DKC1: variants seen among roughly 807,000 people sequenced by gnomAD.
DKC1 encodes the protein dyskerin pseudouridine synthase 1.
In DKC1, 4 loss-of-function variants were observed where a neutral mutation model predicts 46.7. That is an observed-to-expected ratio of 0.09 (90% confidence interval 0.04 to 0.20). The LOEUF (loss-of-function observed/expected upper bound fraction) is 0.20. Ranked by LOEUF, DKC1 falls within the 10% of genes least tolerant of loss-of-function variation. The probability of loss-of-function intolerance (pLI) is 1.00; values close to 1 mark genes in which losing one functional copy is unlikely to be tolerated. For missense variants in DKC1, 171 were observed against 404.2 expected (o/e 0.42, Z 4.95); for synonymous variants, 141 against 142.4 (o/e 0.99, Z 0.07).
chrX:154,768,474 C>T (rs2057821100), intron 8 of DKC1, 42 bp downstream of exon 8: 1 of 1,205,752 alleles, frequency 8.3e-7, no homozygotes, highest in South Asian at 1.8e-5. Flanking sequence ...TGGTTCTTAC[C>T]ATCTGCCAGC....
At chrX:154,763,976 T>C (rs1557263883) in intron 1 of DKC1, among the ~76,000 whole-genome samples, 1 of 110,203 alleles carries the variant, frequency 9.1e-6, no homozygotes, top group African/African-American at 3.3e-5. Context: ...CTGGCCAACA[T>C]GGTGAAACCC....
chrX:154,775,389 A>G, intron 13 of DKC1, 116 bp downstream of exon 13: 1 of 731,555 alleles, frequency 1.4e-6, no homozygotes, highest in Non-Finnish European at 2.1e-6. Context: ...CTAGCATCAG[A>G]GGTGCAGCGC....
At chrX:154,767,524 T>C (rs1557264330) in intron 7 of DKC1, 142 bp downstream of exon 7, 4 of 742,694 alleles carry the variant, frequency 5.4e-6, no homozygotes, top group Non-Finnish European at 6.1e-6. Context: ...TAGTTTTTGT[T>C]ATCTTTTGTT....
rs1261311352 is a variant in DKC1 at position 154,767,068 on chromosome X, C to T, written c.513+7C>T. ...GGGGACCCAGCTTTCTAGGGTAAGT[C>T]TGCAATTGTAGGGAGGACACCCTTT... On this transcript the variant is annotated splice_region_variant and intron_variant, in intron 6 of 14. Transcript: ENST00000369550. 4 of 1,206,337 alleles carry T rather than the reference C, an allele frequency of 3.3e-6. No individual in the cohort carries two copies. In the East Asian group the frequency reaches 1.2e-4, roughly 36 times the overall value.
intron 8 of DKC1, 133 bp from the exon 9 acceptor site, chrX:154,769,034 C>T: frequency 1.9e-6 from 1 of 537,816 alleles, no homozygotes; most frequent in Non-Finnish European, 3.1e-6. Flanking sequence ...CCTGGAAGAG[C>T]CAGGACTGAA....
At chrX:154,771,187 G>GTTTTTTTTTTT (rs35962335) in intron 10 of DKC1, among the ~76,000 whole-genome samples, 1 of 64,486 alleles carries the variant, frequency 1.6e-5, no homozygotes, top group African/African-American at 6.4e-5. Flanking sequence ...TGGTGGTGGT[G>GTTTTTTTTTTT]TTTTTTTTTT....
intron 7 of DKC1, chrX:154,768,041 G>C: frequency 3.0e-6 from 1 of 330,702 alleles, no homozygotes; most frequent in Non-Finnish European, 5.4e-6. Context: ...TAGTAGAGAC[G>C]GGGTTTCACC....
At chrX:154,766,495 G>GAA in intron 5 of DKC1, 95 bp downstream of exon 5, 10 of 670,292 alleles carry the variant, frequency 1.5e-5, no homozygotes, top group Non-Finnish European at 1.7e-5. Flanking sequence ...TCTTCATTAA[G>GAA]AAAAAAAAAA....
At chrX:154,776,038 C>G in intron 13 of DKC1, 149 bp from the exon 14 acceptor site, 1 of 713,572 alleles carries the variant, frequency 1.4e-6, no homozygotes, top group South Asian at 2.3e-5. Context: ...CCTCAGTAAA[C>G]TAAGGCCCTG....
intron 11 of DKC1, among the ~76,000 whole-genome samples, 171 bp downstream of exon 11, chrX:154,773,420 C>T (rs1197034344): frequency 2.8e-5 from 3 of 106,849 alleles, no homozygotes; most frequent in Admixed American, 1.0e-4. Flanking sequence ...ACAAAGGTCT[C>T]TGGTTTTCCT....
At chrX:154,765,866 C>A in intron 3 of DKC1, 41 bp from the exon 4 acceptor site, 2 of 1,046,078 alleles carry the variant, frequency 1.9e-6, no homozygotes, top group Non-Finnish European at 2.7e-6. Context: ...CATGTGCTCA[C>A]GACATGGTAT....
At chrX:154,765,036 A>G (rs1557264003) in intron 2 of DKC1, 70 bp downstream of exon 2, 1 of 950,707 alleles carries the variant, frequency 1.1e-6, no homozygotes, top group Admixed American at 2.2e-5. Context: ...ACTAAAGGAA[A>G]GAAGTGTTTT....
intron 12 of DKC1, 65 bp from the exon 13 acceptor site, chrX:154,775,130 C>A: frequency 9.6e-7 from 1 of 1,040,198 alleles, no homozygotes; most frequent in Non-Finnish European, 1.4e-6. Context: ...GATAACACTA[C>A]ATAACATCAG....
intron 8 of DKC1, 99 bp downstream of exon 8, chrX:154,768,531 C>T (rs2071778953): frequency 9.0e-7 from 1 of 1,108,747 alleles, no homozygotes; most frequent in African/African-American, 1.8e-5. Flanking sequence ...AGATGCTTTC[C>T]AAAGTGTTGA....
intron 7 of DKC1, 29 bp downstream of exon 7, chrX:154,767,411 GA>G: frequency 8.3e-7 from 1 of 1,208,219 alleles, no homozygotes; most frequent in Admixed American, 2.2e-5. Context: ...GAGTGGGTAT[GA>G]ACACATTCTT....
intron 11 of DKC1, 92 bp from the exon 12 acceptor site, chrX:154,774,510 C>A: frequency 1.2e-6 from 1 of 811,762 alleles, no homozygotes; most frequent in Non-Finnish European, 1.8e-6. Flanking sequence ...TGAGAATACA[C>A]CAGGGAGGAA....
chrX:154,773,925 G>C (rs944120684), intron 11 of DKC1, among the ~76,000 whole-genome samples: 9 of 108,157 alleles, frequency 8.3e-5, no homozygotes, highest in African/African-American at 2.8e-4. Flanking sequence ...CTGGCCGGGC[G>C]GGGGGGCTGA....
chrX:154,768,444 G>C lies in DKC1; in HGVS notation c.771+12G>C. 1 of 1,211,015 alleles carries C rather than the reference G, an allele frequency of 8.3e-7. No individual in the cohort carries two copies. Among genetic ancestry groups the C allele is most frequent in the Non-Finnish European group, 1.1e-6 (1 of 895,172 alleles). ...TCATGAGTGAAAAGGTATGTGTTAC[G>C]GGGCTAGAAGTTTTAGAGCTGGTTC... On this transcript the variant is annotated intron_variant, in intron 8 of 14. Transcript: ENST00000369550.
At chrX:154,764,761 C>G (rs182014806) in intron 1 of DKC1, 138 bp from the exon 2 acceptor site, 1 of 506,280 alleles carries the variant, frequency 2.0e-6, no homozygotes, top group East Asian at 3.6e-5. Flanking sequence ...TCTGTACTTG[C>G]AAAACATTAT....
Sources: gnomAD v4.1 joint callset for allele counts (sites outside exome capture counted in the v4.1 genomes callset) on GRCh38, gnomAD v4.1.1 for gene constraint, MANE v1.5 for transcripts, NCBI Gene and HGNC (gene_info 2026-07-23, HGNC 2026-07-21) for gene names.